Variants in NBEAL1 observed in about 807,000 individuals in gnomAD.
NBEAL1 encodes neurobeachin like 1.
Under a neutral mutation model 351.3 loss-of-function variants are expected in NBEAL1, and 273 were observed. The ratio of observed to expected loss-of-function variants is 0.78; its 90% CI spans 0.70 to 0.86. NBEAL1 has a LOEUF of 0.86. NBEAL1 is among the 40% of genes least tolerant of loss of function. The pLI, the probability that NBEAL1 is intolerant of heterozygous loss-of-function variation, is 0.00. For missense variants in NBEAL1, 2,961 were observed against 3,201.3 expected (o/e 0.92, Z 1.81); for synonymous variants, 1,050 against 1,086.4 (o/e 0.97, Z 0.66).
At position 203,220,304 on chromosome 2, in the gene NBEAL1, T is replaced by C. The variant is rs1051711017; in HGVS notation, c.*2950T>C. On this transcript the variant is annotated 3_prime_UTR_variant, in exon 56 of 56. Coordinates refer to ENST00000683969, the MANE Select transcript of NBEAL1 (RefSeq NM_001378026.1). ...TTCAAGACCAGCCTGGCCAACATGG[T>C]GAAACCCTGTCTCTACTAAAAATAC... is the stretch of plus-strand genomic sequence containing the variant. Among the ~76,000 whole-genome samples, 3 of 152,032 alleles carry C rather than the reference T, an allele frequency of 2.0e-5. No individual in the cohort carries two copies. Among genetic ancestry groups the C allele is most frequent in the African/African-American group, 7.2e-5 (3 of 41,388 alleles).
chr2:203,219,353 A>G lies in NBEAL1; in HGVS notation c.*1999A>G, dbSNP rs375189070. ...GATTTGAAAATTATTTTGGATGCTTATAAGTTTTCTAAAACTTAGATAATT... is the reference window on the plus strand; with the variant it reads ...GATTTGAAAATTATTTTGGATGCTTGTAAGTTTTCTAAAACTTAGATAATT... On this transcript the variant is annotated 3_prime_UTR_variant, in exon 56 of 56. Coordinates refer to ENST00000683969, the MANE Select transcript of NBEAL1 (RefSeq NM_001378026.1). The G allele has an allele frequency of 6.6e-6, 1 of 152,126 alleles. No homozygotes were observed. 9.4% of individuals were successfully genotyped at this position (152,126 alleles called of 1,614,324 possible).
chr2:203,176,602 C>T (rs2064509827), intron 42 of NBEAL1, among the ~76,000 whole-genome samples: 2 of 151,756 alleles, frequency 1.3e-5, no homozygotes, highest in Admixed American at 1.3e-4. Flanking sequence ...CATGGTAGTA[C>T]ATGCCTGAAG....
At chr2:203,179,896 C>T (rs192316566) in intron 42 of NBEAL1, among the ~76,000 whole-genome samples, 1,559 of 152,204 alleles carry the variant, frequency 0.01, 16 homozygotes, top group Non-Finnish European at 0.014. Context: ...GGCTCAGCCT[C>T]CCAAGTAGCT....
At chr2:203,091,846 G>A (rs1328167880) in intron 10 of NBEAL1, among the ~76,000 whole-genome samples, 2 of 152,062 alleles carry the variant, frequency 1.3e-5, no homozygotes, top group African/African-American at 4.8e-5. Context: ...TTGTTGATTT[G>A]TAAAGTCTTT....
chr2:203,185,780 G>A (rs2064880630), intron 44 of NBEAL1, among the ~76,000 whole-genome samples: 1 of 152,090 alleles, frequency 6.6e-6, no homozygotes, highest in African/African-American at 2.4e-5. Context: ...GCAGCTAAGT[G>A]CTCCCCAAAA....
At position 203,113,265 on chromosome 2, in the gene NBEAL1, T is replaced by TGAAC; in HGVS notation, c.2453_2454insGAAC (p.Ile818MetfsTer6). 2 of 1,487,766 alleles carry TGAAC rather than the reference T, an allele frequency of 1.3e-6. No individual in the cohort carries two copies. The highest frequency in any genetic ancestry group is 1.8e-6 in the Non-Finnish European group (2 of 1,117,544). 92.2% of individuals were successfully genotyped at this position (1,487,766 alleles called of 1,614,324 possible). On this transcript the variant is annotated frameshift_variant, in exon 17 of 56. Coordinates refer to ENST00000683969, the MANE Select transcript of NBEAL1 (RefSeq NM_001378026.1). LOFTEE classifies it high-confidence loss of function. ...CTGGAGGGTCAGCTAGGATCTGTTA[T>TGAAC]CATCTTTTATGAACCACTACAACCT...
intron 44 of NBEAL1, among the ~76,000 whole-genome samples, chr2:203,185,430 T>C (rs2064866276): frequency 6.6e-6 from 1 of 152,190 alleles, no homozygotes; most frequent in South Asian, 2.1e-4. Flanking sequence ...CTAATGTAGA[T>C]GACGGATTGA....
Position 203,062,182 on chromosome 2 carries a change from T to G in NBEAL1, c.515+4729T>G, listed in dbSNP as rs1014786135. 9.2e-6 allele frequency: 4 copies of G among 433,682 alleles called. No homozygotes were observed. The highest frequency in any genetic ancestry group is 3.4e-4 in the Middle Eastern group (1 of 2,928). The allele number at this position is 433,682 out of a possible 1,614,324, so 26.9% of individuals were successfully genotyped here. Reference sequence around the variant, plus strand: ...GGTTTCTCCACCTTGACTATTTTGTTTACCTTCACACAGTCTCTCTACCAT... The same window carrying G: ...GGTTTCTCCACCTTGACTATTTTGTGTACCTTCACACAGTCTCTCTACCAT... On this transcript the variant is annotated intron_variant, in intron 6 of 55. Transcript: ENST00000683969. This position sits in a 1 kb window ranked among gnomAD's most constrained non-coding sequence, Gnocchi z 4.2.
At chr2:203,152,957 G>C (rs928362456) in intron 35 of NBEAL1, among the ~76,000 whole-genome samples, 5 of 151,980 alleles carry the variant, frequency 3.3e-5, no homozygotes, top group Non-Finnish European at 4.4e-5. Context: ...AGAATCACTT[G>C]AACCCGAGAG....
At chr2:203,084,302 G>A (rs1427550709) in intron 9 of NBEAL1, among the ~76,000 whole-genome samples, 161 bp from the exon 10 acceptor site, 2 of 151,928 alleles carry the variant, frequency 1.3e-5, no homozygotes, top group African/African-American at 4.8e-5. Flanking sequence ...GCTTCTAAAG[G>A]CATAAAAATG....
rs1318429635 is a variant in NBEAL1 at position 203,207,067 on chromosome 2, T to C, written c.7507-1570T>C. On this transcript the variant is annotated intron_variant, in intron 51 of 55. Transcript: ENST00000683969. The stretch of plus-strand genomic sequence containing the variant: ...TGAGATGTGGGGAGCGCCTCTGCCC[T>C]GTCGCCCCGTCCGGGATGTGAGGAG... 2.0e-5 allele frequency among the ~76,000 whole-genome samples: 3 copies of C among 148,612 alleles called. No individual in the cohort carries two copies. In the South Asian group the frequency reaches 6.4e-4, roughly 32 times the overall value.
At chr2:203,191,133 C>T (rs1275018742) in intron 46 of NBEAL1, 15 of 1,592,656 alleles carry the variant, frequency 9.4e-6, no homozygotes, top group African/African-American at 1.3e-5. Context: ...AGATGCGGCA[C>T]CGATCCTTAG....
intron 12 of NBEAL1, among the ~76,000 whole-genome samples, chr2:203,106,177 A>C (rs909406438): frequency 6.6e-6 from 1 of 152,228 alleles, no homozygotes; most frequent in African/African-American, 2.4e-5. Context: ...TGGTAAGCAT[A>C]GTGCCAGGCA....
At chr2:203,095,998 C>G (rs549378922) in intron 10 of NBEAL1, among the ~76,000 whole-genome samples, 1 of 152,246 alleles carries the variant, frequency 6.6e-6, no homozygotes, top group East Asian at 1.9e-4. Flanking sequence ...CTCAGGTGAT[C>G]CGCCCACCTC....
intron 2 of NBEAL1, among the ~76,000 whole-genome samples, chr2:203,037,120 CA>C (rs1285882720): frequency 1.3e-5 from 2 of 149,260 alleles, no homozygotes; most frequent in Non-Finnish European, 3.0e-5. Flanking sequence ...CTGTAGTTTA[CA>C]AGCTGATTTT....
chr2:203,206,653 G>A (rs1218963777), intron 51 of NBEAL1, among the ~76,000 whole-genome samples: 3 of 152,024 alleles, frequency 2.0e-5, no homozygotes, highest in Non-Finnish European at 2.9e-5. Flanking sequence ...GCTCCTGACC[G>A]CGAGTGATCC....
intron 44 of NBEAL1, among the ~76,000 whole-genome samples, chr2:203,186,142 G>A (rs1019294736): frequency 1.1e-4 from 16 of 152,178 alleles, no homozygotes; most frequent in African/African-American, 3.6e-4. Flanking sequence ...CCATTGTACT[G>A]CAAAAACAAA....
At chr2:203,138,566 A>G (rs1386886994) in intron 30 of NBEAL1, 54 bp from the exon 31 acceptor site, 1 of 1,506,772 alleles carries the variant, frequency 6.6e-7, no homozygotes, top group African/African-American at 1.4e-5. Flanking sequence ...ATTGATCATC[A>G]GTAAATTGAA....
intron 31 of NBEAL1, among the ~76,000 whole-genome samples, chr2:203,139,394 C>T (rs1241615361): frequency 1.3e-5 from 2 of 151,908 alleles, no homozygotes; most frequent in Admixed American, 6.6e-5. Flanking sequence ...AAGATTTTCA[C>T]AGCTATTTAC....
Sources: allele counts gnomAD v4.1 joint callset (sites outside exome capture counted in the v4.1 genomes callset), GRCh38; gene constraint gnomAD v4.1.1; non-coding constraint Gnocchi (gnomAD v3.1); transcripts MANE v1.5; gene names NCBI Gene and HGNC (gene_info 2026-07-23, HGNC 2026-07-21).